Variants in GABRG3 observed in about 807,000 individuals in gnomAD.
GABRG3 encodes the protein gamma-aminobutyric acid receptor subunit gamma-3.
GABRG3 carries 25 observed loss-of-function variants against 48.8 expected under a neutral mutation model. The ratio of observed to expected loss-of-function variants is 0.51; its 90% CI spans 0.37 to 0.72. GABRG3 has a LOEUF of 0.72. Among genes scored for constraint, GABRG3 ranks in the 30% least tolerant of loss-of-function variants. The pLI, the probability that GABRG3 is intolerant of heterozygous loss-of-function variation, is 0.00. For missense variants in GABRG3, 394 were observed against 577.9 expected, an observed-to-expected ratio of 0.68 and a Z score of 3.26; for synonymous variants, 227 against 217.6, an observed-to-expected ratio of 1.04 and a Z score of -0.38.
At chr15:27,339,339 G>C (rs1418750602) in intron 5 of GABRG3, among the ~76,000 whole-genome samples, 1 of 152,242 alleles carries the variant, frequency 6.6e-6, no homozygotes, top group Non-Finnish European at 1.5e-5. Context: ...GGCATGTCCA[G>C]CATCCTGGAC....
intron 3 of GABRG3, among the ~76,000 whole-genome samples, chr15:27,277,215 A>T (rs978142856): frequency 4.6e-5 from 7 of 152,220 alleles, no homozygotes; most frequent in Non-Finnish European, 8.8e-5. Flanking sequence ...TCCTGATGAA[A>T]TCCAGAAAGG....
chr15:27,279,031 C>T (rs1275842753), intron 3 of GABRG3, among the ~76,000 whole-genome samples: 4 of 152,098 alleles, frequency 2.6e-5, no homozygotes, highest in South Asian at 2.1e-4. Flanking sequence ...TTTGCCTTTC[C>T]GGAACTAAGG....
chr15:27,248,482 C>A (rs1890334141), intron 3 of GABRG3, among the ~76,000 whole-genome samples: 1 of 152,056 alleles, frequency 6.6e-6, no homozygotes, highest in Non-Finnish European at 1.5e-5. Flanking sequence ...TATTACTCAG[C>A]CACTGGTATA....
intron 3 of GABRG3, among the ~76,000 whole-genome samples, chr15:27,225,953 G>T: frequency 1.3e-5 from 2 of 152,238 alleles, no homozygotes; most frequent in Admixed American, 1.3e-4. Context: ...CAGATTAGGG[G>T]CTCCCTTTGG....
intron 3 of GABRG3, among the ~76,000 whole-genome samples, chr15:27,250,385 A>G (rs114552764): frequency 6.6e-6 from 1 of 152,324 alleles, no homozygotes; most frequent in African/African-American, 2.4e-5. Context: ...CTGCATTCCA[A>G]GTGCTAACCA....
At chr15:27,423,091 T>G (rs933749440) in intron 5 of GABRG3, among the ~76,000 whole-genome samples, 1 of 151,812 alleles carries the variant, frequency 6.6e-6, no homozygotes, top group Non-Finnish European at 1.5e-5. Flanking sequence ...TCTTACTATA[T>G]GACCAGCCAG....
chr15:27,046,917 T>C (rs888032774), intron 3 of GABRG3, among the ~76,000 whole-genome samples: 2 of 152,252 alleles, frequency 1.3e-5, no homozygotes, highest in Non-Finnish European at 2.9e-5. Flanking sequence ...TGAAGTGTTA[T>C]TGCCACTGTA....
At chr15:27,521,195 C>G (rs1566877786) in intron 7 of GABRG3, among the ~76,000 whole-genome samples, 1 of 152,102 alleles carries the variant, frequency 6.6e-6, no homozygotes, top group Non-Finnish European at 1.5e-5. Context: ...GTTCTGGGCT[C>G]AAGACACAGA....
At chr15:27,199,949 T>C (rs1279026035) in intron 3 of GABRG3, among the ~76,000 whole-genome samples, 1 of 151,518 alleles carries the variant, frequency 6.6e-6, no homozygotes, top group African/African-American at 2.4e-5. Flanking sequence ...CCTTCTCTCT[T>C]TCCTGTCATC....
rs369123435 is a variant in GABRG3, at chr15:27,319,770, G to A, written c.271-7039G>A. ...TGGTTTGTAAGCAAGCACGATACACGGAGCCTTGAGTATCATGCAAAGAAT... is the reference window on the plus strand; with the variant it reads ...TGGTTTGTAAGCAAGCACGATACACAGAGCCTTGAGTATCATGCAAAGAAT... On this transcript the variant is annotated intron_variant, in intron 3 of 9. Coordinates refer to ENST00000615808, the MANE Select transcript of GABRG3 (RefSeq NM_033223.5). This position sits in a 1 kb window ranked among gnomAD's most constrained non-coding sequence, Gnocchi z 4.4. Among the ~76,000 whole-genome samples the A allele has an allele frequency of 3.3e-4, 51 of 152,246 alleles. No homozygotes were observed. Among genetic ancestry groups the A allele is most frequent in the South Asian group, 3.1e-3 (15 of 4,810 alleles).
At chr15:27,440,463 GC>G (rs1362461021) in intron 5 of GABRG3, among the ~76,000 whole-genome samples, 1 of 152,144 alleles carries the variant, frequency 6.6e-6, no homozygotes, top group Non-Finnish European at 1.5e-5. Context: ...CTCATCATTA[GC>G]TTTCTCATGG....
At chr15:27,394,201 C>G (rs951356120) in intron 5 of GABRG3, among the ~76,000 whole-genome samples, 1 of 152,048 alleles carries the variant, frequency 6.6e-6, no homozygotes, top group Non-Finnish European at 1.5e-5. Flanking sequence ...TATGTGTTCT[C>G]TAGAGTACAC....
chr15:27,174,371 G>T (rs1272557383), intron 3 of GABRG3, among the ~76,000 whole-genome samples: 1 of 152,098 alleles, frequency 6.6e-6, no homozygotes, highest in Non-Finnish European at 1.5e-5. Flanking sequence ...TTCATATGTT[G>T]TAACTCATCA....
rs140999678 is a variant in GABRG3, at chr15:27,150,018, G to A, written c.270+123197G>A. ...TTCAGATTTACTGTGTGTAAAATAA[G>A]TGTAATATCTTTCTTACAAGAGTAA... is the stretch of plus-strand genomic sequence containing the variant. On this transcript the variant is annotated intron_variant, in intron 3 of 9. Coordinates refer to ENST00000615808, the MANE Select transcript of GABRG3 (RefSeq NM_033223.5). 3.1e-4 allele frequency among the ~76,000 whole-genome samples: 47 copies of A among 152,330 alleles called. No homozygotes were observed. In the East Asian group the frequency reaches 6.9e-3, roughly 22 times the overall value.
chr15:26,993,346 A>T (rs1439816699), intron 2 of GABRG3, among the ~76,000 whole-genome samples: 2 of 152,050 alleles, frequency 1.3e-5, no homozygotes, highest in Non-Finnish European at 2.9e-5. Context: ...ACTTACAGCT[A>T]TAAATTTCCC....
chr15:27,145,150 AT>A, intron 3 of GABRG3, among the ~76,000 whole-genome samples: 1 of 152,030 alleles, frequency 6.6e-6, no homozygotes, highest in African/African-American at 2.4e-5. Context: ...ACAGGGAAAA[AT>A]AAGGAATGAA....
intron 3 of GABRG3, among the ~76,000 whole-genome samples, chr15:27,189,467 G>A (rs899313958): frequency 9.2e-5 from 14 of 152,178 alleles, no homozygotes; most frequent in Middle Eastern, 6.8e-3. Context: ...TGGATTCCTA[G>A]GTATTTTATT....
chr15:27,165,578 A>G (rs543032004), intron 3 of GABRG3, among the ~76,000 whole-genome samples: 9 of 151,610 alleles, frequency 5.9e-5, no homozygotes, highest in Admixed American at 1.3e-4. Context: ...TTCCTCTTCA[A>G]TCTCCCAAGT....
Position 27,532,828 on chromosome 15 carries a change from A to T in GABRG3, c.1351A>T (p.Thr451Ser), listed in dbSNP as rs748972115. The change falls in exon 10 of 10, where the codon ACG (threonine) becomes TCG (serine). Residue 451 changes from threonine (T) to serine (S), a missense_variant. Thr to Ser is a moderately conservative substitution (Grantham distance 58). Transcript: ENST00000615808. Reference protein sequence around the residue: ...LDSYSRVFFPTSFLLFNLVYW... With the variant: ...LDSYSRVFFPSSFLLFNLVYW... The stretch of plus-strand genomic sequence containing the variant: ...CTCGTACTCCCGGGTCTTTTTCCCC[A>T]CGTCCTTCCTGCTCTTTAACCTGGT... The T allele has an allele frequency of 6.8e-6, 11 of 1,613,880 alleles. No homozygotes were observed. In the Admixed American group the frequency reaches 1.5e-4, roughly 22 times the overall value.
Sources: allele counts gnomAD v4.1 joint callset (sites outside exome capture counted in the v4.1 genomes callset), GRCh38; gene constraint gnomAD v4.1.1; non-coding constraint Gnocchi (gnomAD v3.1); transcripts MANE v1.5; gene names NCBI Gene and HGNC (gene_info 2026-07-23, HGNC 2026-07-21).